ABL2: variants seen among roughly 807,000 people sequenced by gnomAD.
The protein encoded by ABL2 is ABL proto-oncogene 2, non-receptor tyrosine kinase.
ABL2 carries 49 observed loss-of-function variants against 107.7 expected under a neutral mutation model. The ratio of observed to expected loss-of-function variants is 0.45; its 90% CI spans 0.36 to 0.58. ABL2 has a LOEUF of 0.58. Ranked by LOEUF, ABL2 falls within the 20% of genes least tolerant of loss-of-function variation. The pLI, the probability that ABL2 is intolerant of heterozygous loss-of-function variation, is 0.00. For missense variants in ABL2, 1,245 were observed against 1,457.0 expected, an observed-to-expected ratio of 0.85 and a Z score of 2.37; for synonymous variants, 549 against 548.6, an observed-to-expected ratio of 1.00 and a Z score of -0.01.
In ABL2 at chr1:179,099,734, T is replaced by C. The variant is rs1477418625; in HGVS notation, c.*7984A>G. The stretch of plus-strand genomic sequence containing the variant: ...GTTTTAAAGAATTGAATCCGCATGT[T>C]TGGGGACAAAGTTCTGTCAACCACC... On this transcript the variant is annotated 3_prime_UTR_variant, in exon 12 of 12. Coordinates refer to ENST00000502732, the MANE Select transcript of ABL2 (RefSeq NM_007314.4). 1.7e-5 allele frequency: 4 copies of C among 231,080 alleles called. No individual in the cohort carries two copies. The highest frequency in any genetic ancestry group is 3.4e-5 in the Non-Finnish European group (4 of 116,728). 14.3% of individuals were successfully genotyped at this position (231,080 alleles called of 1,614,324 possible). A position where few individuals can be genotyped will look rare whatever the true frequency, so the allele number is the denominator to read the frequency against.
chr1:179,217,438 C>CA (rs1662627467), intron 1 of ABL2, among the ~76,000 whole-genome samples: 1 of 151,896 alleles, frequency 6.6e-6, no homozygotes, highest in South Asian at 2.1e-4. Flanking sequence ...CTAGCCTGGC[C>CA]AACATGGTGA....
At chr1:179,184,241 A>T in intron 1 of ABL2, 1 of 527,432 alleles carries the variant, frequency 1.9e-6, no homozygotes, top group Non-Finnish European at 3.5e-6. Context: ...CAGGTTACAG[A>T]ATAGACTTTT....
rs1657773615 is a variant in ABL2, at chr1:179,143,558, C to A, written c.158-10184G>T. 2.0e-5 allele frequency among the ~76,000 whole-genome samples: 3 copies of A among 152,212 alleles called. No individual in the cohort carries two copies. In the South Asian group the frequency reaches 6.2e-4, roughly 32 times the overall value. On this transcript the variant is annotated intron_variant, in intron 1 of 11. Transcript: ENST00000502732. ...CCAAAGTCAAAGAAATAGCTGTGAT[C>A]TGATTCATGAGCACAGAAGCCAAGA...
intron 1 of ABL2, among the ~76,000 whole-genome samples, chr1:179,218,595 C>T (rs1662709354): frequency 6.6e-6 from 1 of 152,146 alleles, no homozygotes. Context: ...TGGGGTTTCA[C>T]CATGTAGGCC....
At chr1:179,225,207 G>A (rs1018166169) in intron 1 of ABL2, among the ~76,000 whole-genome samples, 2 of 152,018 alleles carry the variant, frequency 1.3e-5, no homozygotes, top group African/African-American at 2.4e-5. Flanking sequence ...TATTATTAAC[G>A]ATAAAAAATG....
rs1653099113 is a variant in ABL2 at position 179,101,618 on chromosome 1, A to AAGAGACCAGC, written c.*6099_*6100insGCTGGTCTCT. ...ACTCCTGACCTCAAGTGATCCGCCC[A>AAGAGACCAGC]TCTTGGTCTCCCAAAGTGCTGGGAT... On this transcript the variant is annotated 3_prime_UTR_variant, in exon 12 of 12. Transcript: ENST00000502732. 5.7e-6 allele frequency: 1 copy of AAGAGACCAGC among 175,414 alleles called. No homozygotes were observed. Among genetic ancestry groups the AAGAGACCAGC allele is most frequent in the Non-Finnish European group, 1.2e-5 (1 of 81,486 alleles). 10.9% of individuals were successfully genotyped at this position (175,414 alleles called of 1,614,324 possible). A position where few individuals can be genotyped will look rare whatever the true frequency, so the allele number is the denominator to read the frequency against.
At chr1:179,187,170 T>A (rs960019134) in intron 1 of ABL2, among the ~76,000 whole-genome samples, 1 of 152,214 alleles carries the variant, frequency 6.6e-6, no homozygotes, top group Non-Finnish European at 1.5e-5. Context: ...CAGTTAGTTA[T>A]TAGGAGTTCT....
At chr1:179,168,165 G>C (rs1404678028) in intron 1 of ABL2, among the ~76,000 whole-genome samples, 1 of 152,194 alleles carries the variant, frequency 6.6e-6, no homozygotes, top group Non-Finnish European at 1.5e-5. Flanking sequence ...TGCTGATGCA[G>C]TTCCATTTTA....
intron 1 of ABL2, among the ~76,000 whole-genome samples, chr1:179,173,480 A>C (rs1659849739): frequency 6.8e-6 from 1 of 147,974 alleles, no homozygotes; most frequent in African/African-American, 2.5e-5. Context: ...CTCCTGCCTC[A>C]GCCTCTCTAG....
At chr1:179,135,449 G>T (rs1025283248) in intron 1 of ABL2, among the ~76,000 whole-genome samples, 18 of 149,722 alleles carry the variant, frequency 1.2e-4, no homozygotes, top group Admixed American at 1.1e-3. Flanking sequence ...GAGACCCTCC[G>T]CCTGGCAACC....
At chr1:179,156,920 A>C (rs967952863) in intron 1 of ABL2, among the ~76,000 whole-genome samples, 25 of 124,792 alleles carry the variant, frequency 2.0e-4, no homozygotes, top group Non-Finnish European at 1.7e-4. Flanking sequence ...TAAATAAATA[A>C]ATAAATAAAT....
In ABL2 at chr1:179,135,132, A is replaced by G. The variant is rs1325612629; in HGVS notation, c.158-1758T>C. ...TGGCCTCCCAAAGTGCCGAGATTGC[A>G]GCCTCTGCCCGGCCGCCACCCCGTC... is the stretch of plus-strand genomic sequence containing the variant. On this transcript the variant is annotated intron_variant, in intron 1 of 11. Coordinates refer to ENST00000502732, the MANE Select transcript of ABL2 (RefSeq NM_007314.4). Among the ~76,000 whole-genome samples, 3 of 152,196 alleles carry G rather than the reference A, an allele frequency of 2.0e-5. No homozygotes were observed. In the East Asian group the frequency reaches 5.8e-4, roughly 29 times the overall value.
Position 179,107,895 on chromosome 1 carries a change from C to G in ABL2, c.3372G>C (p.Val1124=). Residue 1124 remains valine, a synonymous_variant, in exon 12 of 12, where the codon GTG becomes GTC. Transcript: ENST00000502732. The stretch of plus-strand genomic sequence containing the variant: ...TGTTGCGAGTTTGAGGGATGCAGTC[C>G]ACATAGCCTGAGCAGTAGTCAAGCA... The part of the protein sequence containing the change: ...HQLLDYCSGY[V]DCIPQTRNKF... 6.2e-7 allele frequency: 1 copy of G among 1,614,226 alleles called. No homozygotes were observed. Among genetic ancestry groups the G allele is most frequent in the Non-Finnish European group, 8.5e-7 (1 of 1,180,042 alleles).
At chr1:179,166,394 TAAAA>T (rs200116537) in intron 1 of ABL2, among the ~76,000 whole-genome samples, 5 of 108,854 alleles carry the variant, frequency 4.6e-5, no homozygotes, top group Non-Finnish European at 4.1e-5. Flanking sequence ...AACTCAATAC[TAAAA>T]AAAAAAAAAA....
At chr1:179,118,551 T>G (rs756195925) in intron 7 of ABL2, 36 bp downstream of exon 7, 1 of 1,576,262 alleles carries the variant, frequency 6.3e-7, no homozygotes, top group Non-Finnish European at 8.6e-7. Flanking sequence ...TCAAGCAAGA[T>G]GGCTTCATGG....
chr1:179,202,103 AAT>A (rs1439210335), intron 1 of ABL2, among the ~76,000 whole-genome samples: 1 of 152,140 alleles, frequency 6.6e-6, no homozygotes, highest in African/African-American at 2.4e-5. Flanking sequence ...AAAAAAAAAA[AAT>A]AATCTCAGCA....
rs375139517 is a variant in ABL2 at position 179,171,893 on chromosome 1, T to C, written c.158-38519A>G. Among the ~76,000 whole-genome samples, 842 of 152,290 alleles carry C rather than the reference T, an allele frequency of 5.5e-3. 7 individuals carry two copies. Among genetic ancestry groups the C allele is most frequent in the African/African-American group, 0.018 (762 of 41,562 alleles). On this transcript the variant is annotated intron_variant, in intron 1 of 11. Transcript: ENST00000502732. ...TCATTTTTGAAAAAGAATAAAATCATTGATGGGAGAAAAAACTCAAAACTA... is the reference window on the plus strand; with the variant it reads ...TCATTTTTGAAAAAGAATAAAATCACTGATGGGAGAAAAAACTCAAAACTA...
At position 179,118,559 on chromosome 1, in the gene ABL2, T is replaced by C. The variant is rs1378773090; in HGVS notation, c.1223+28A>G. 9 of 1,593,962 alleles carry C rather than the reference T, an allele frequency of 5.6e-6. No homozygotes were observed. In the Admixed American group the frequency reaches 7.0e-5, roughly 12 times the overall value. ...CTGCATGTCAAGCAAGATGGCTTCA[T>C]GGTTGGTCAGAGGTAAGTTTTACAC... On this transcript the variant is annotated intron_variant, in intron 7 of 11. Transcript: ENST00000502732.
intron 7 of ABL2, 48 bp from the exon 8 acceptor site, chr1:179,117,564 A>G: frequency 6.3e-7 from 1 of 1,595,504 alleles, no homozygotes; most frequent in African/African-American, 1.3e-5. Context: ...TGGTGAGGAA[A>G]ATGGTCATGA....
Sources: allele counts gnomAD v4.1 joint callset (sites outside exome capture counted in the v4.1 genomes callset), GRCh38; gene constraint gnomAD v4.1.1; transcripts MANE v1.5; gene names NCBI Gene and HGNC (gene_info 2026-07-23, HGNC 2026-07-21).